The following PSD3 variants were observed in gnomAD, a reference collection of about 807,000 sequenced individuals.
PSD3 encodes the protein pleckstrin and Sec7 domain containing 3, also known as PH and SEC7 domain-containing protein 3.
A neutral mutation model predicts 105.5 loss-of-function variants in PSD3; 49 were observed. The ratio of observed to expected loss-of-function variants is 0.46; its 90% CI spans 0.37 to 0.59. The LOEUF is 0.59. Among genes scored for constraint, PSD3 ranks in the 20% least tolerant of loss-of-function variants. The pLI is 0.00. For synonymous variants in PSD3, 557 were observed against 457.8 expected (o/e 1.22, Z -2.77); for missense variants, 1,561 against 1,263.8 (o/e 1.24, Z -3.57).
chr8:18,595,282 A>T (rs1333418587), intron 12 of PSD3, among the ~76,000 whole-genome samples: 1 of 10,218 alleles, frequency 9.8e-5, no homozygotes, highest in African/African-American at 1.6e-4. Context: ...ATGTTATTAC[A>T]AAAAAAAAAA....
intron 15 of PSD3, among the ~76,000 whole-genome samples, chr8:18,552,316 T>C (rs1800814292): frequency 6.6e-6 from 1 of 152,216 alleles, no homozygotes; most frequent in Non-Finnish European, 1.5e-5. Flanking sequence ...TCTGTAATCA[T>C]CTTAAACGTT....
intron 1 of PSD3, among the ~76,000 whole-genome samples, chr8:19,061,061 G>C (rs890127372): frequency 6.6e-6 from 1 of 152,136 alleles, no homozygotes; most frequent in Non-Finnish European, 1.5e-5. Flanking sequence ...TGCTCCATGG[G>C]CATCAGCCAG....
At chr8:18,721,009 AAGG>A (rs1312061312) in intron 9 of PSD3, 3 of 152,172 alleles carry the variant, frequency 2.0e-5, no homozygotes, top group African/African-American at 7.2e-5. Flanking sequence ...CAATGTGAAC[AAGG>A]AGTTTACATC....
upstream of PSD3, among the ~76,000 whole-genome samples, chr8:19,016,480 C>T (rs1322036444): frequency 6.6e-6 from 1 of 152,100 alleles, no homozygotes; most frequent in Non-Finnish European, 1.5e-5. Flanking sequence ...TTTTTTAGTA[C>T]AACATGAACG....
intron 1 of PSD3, among the ~76,000 whole-genome samples, chr8:18,980,917 G>T (rs1447578096): frequency 7.2e-5 from 11 of 152,024 alleles, no homozygotes; most frequent in Admixed American, 7.2e-4. Context: ...CTGATCGCTG[G>T]TCTTCGCACT....
chr8:18,965,077 C>G (rs1824156483), intron 1 of PSD3, among the ~76,000 whole-genome samples: 1 of 152,146 alleles, frequency 6.6e-6, no homozygotes, highest in Non-Finnish European at 1.5e-5. Context: ...AATATGCTAA[C>G]AATTAAGCAT....
intron 11 of PSD3, among the ~76,000 whole-genome samples, chr8:18,628,489 A>G (rs1806656573): frequency 6.6e-6 from 1 of 151,940 alleles, no homozygotes; most frequent in Non-Finnish European, 1.5e-5. Flanking sequence ...TACCCAGTGA[A>G]TATACATTCC....
rs376310197 is a variant in PSD3 at position 18,833,402 on chromosome 8, T to C, written c.1635-28504A>G. On this transcript the variant is annotated intron_variant, in intron 4 of 15. Transcript: ENST00000327040. ...TTTGCTTGAGGTCCATCTTGCACTT[T>C]CCCAATAGGCCAGTACCATTTATTA... 1.7e-4 allele frequency among the ~76,000 whole-genome samples: 26 copies of C among 152,284 alleles called. No homozygotes were observed. In the South Asian group the frequency reaches 5.4e-3, roughly 32 times the overall value.
At chr8:18,865,274 ATATATATATATATTTTTTTT>A (rs1816827040) in intron 4 of PSD3, 2 of 2,060 alleles carry the variant, frequency 9.7e-4, no homozygotes, top group African/African-American at 1.8e-3. Flanking sequence ...ATATATATAT[ATATATATATATATTTTTTTT>A]TTTTTTTTTT....
At chr8:18,635,733 A>T (rs376118974) in intron 10 of PSD3, among the ~76,000 whole-genome samples, 1 of 152,276 alleles carries the variant, frequency 6.6e-6, no homozygotes, top group Non-Finnish European at 1.5e-5. Context: ...TGTCCTTTGC[A>T]GGGACATGGA....
intron 10 of PSD3, among the ~76,000 whole-genome samples, chr8:18,638,389 G>T (rs574456479): frequency 6.6e-6 from 1 of 151,032 alleles, no homozygotes; most frequent in African/African-American, 2.4e-5. Context: ...TAGAAAAACC[G>T]TAAAAACTAC....
chr8:19,055,548 C>T (rs907264248), intron 1 of PSD3, among the ~76,000 whole-genome samples: 12 of 152,186 alleles, frequency 7.9e-5, no homozygotes, highest in Non-Finnish European at 1.2e-4. Context: ...CCACCGTGCC[C>T]GGCCGATTTG....
chr8:18,739,022 C>A (rs1585786911), intron 9 of PSD3, among the ~76,000 whole-genome samples: 1 of 152,056 alleles, frequency 6.6e-6, no homozygotes, highest in African/African-American at 2.4e-5. Context: ...TTCAGAACAA[C>A]TTGGACTAAA....
chr8:18,783,965 T>C (rs1238183031), intron 8 of PSD3, among the ~76,000 whole-genome samples: 1 of 152,226 alleles, frequency 6.6e-6, no homozygotes, highest in African/African-American at 2.4e-5. Flanking sequence ...TTAGTTCCTC[T>C]TGTAAATTTT....
chr8:18,583,124 C>T (rs1325011833), intron 12 of PSD3, among the ~76,000 whole-genome samples: 2 of 152,130 alleles, frequency 1.3e-5, no homozygotes, highest in Non-Finnish European at 2.9e-5. Flanking sequence ...CCGCATCTGA[C>T]CCAGATTGAT....
intron 4 of PSD3, among the ~76,000 whole-genome samples, chr8:18,847,040 T>A (rs568154029): frequency 2.0e-5 from 3 of 152,154 alleles, no homozygotes; most frequent in African/African-American, 2.4e-5. Context: ...ATGTCCTGGA[T>A]AAGCAAGAGT....
chr8:19,006,278 G>C (rs1327594075), intron 1 of PSD3, among the ~76,000 whole-genome samples: 2 of 134,730 alleles, frequency 1.5e-5, no homozygotes, highest in East Asian at 2.1e-4. Flanking sequence ...TGGGTGACAA[G>C]AGCGAAACTC....
upstream of PSD3, among the ~76,000 whole-genome samples, chr8:19,016,024 C>T (rs924847162): frequency 6.6e-6 from 1 of 152,226 alleles, no homozygotes; most frequent in Non-Finnish European, 1.5e-5. Context: ...AGTGTTACCA[C>T]TACTAAGTCA....
At chr8:18,862,504 G>C (rs773095789) in intron 4 of PSD3, among the ~76,000 whole-genome samples, 24 of 152,070 alleles carry the variant, frequency 1.6e-4, no homozygotes, top group Non-Finnish European at 3.2e-4. Context: ...GAGATTACTG[G>C]AGCAACAGCA....
Sources: gnomAD v4.1 joint callset for allele counts (sites outside exome capture counted in the v4.1 genomes callset) on GRCh38, gnomAD v4.1.1 for gene constraint, MANE v1.5 for transcripts, NCBI Gene and HGNC (gene_info 2026-07-23, HGNC 2026-07-21) for gene names.